CYLC1: variants seen among roughly 807,000 people sequenced by gnomAD.
CYLC1 encodes cylicin-1.
A neutral mutation model predicts 31.6 loss-of-function variants in CYLC1; 2 were observed. The observed-to-expected ratio is 0.06, with a 90% CI of 0.03 to 0.20. The LOEUF is 0.20. Among genes scored for constraint, CYLC1 ranks in the 10% least tolerant of loss-of-function variants. The pLI is 1.00. For synonymous variants in CYLC1, 185 were observed against 153.0 expected (o/e 1.21, Z -1.54); for missense variants, 595 against 424.1 (o/e 1.40, Z -3.54).
intron 2 of CYLC1, among the ~76,000 whole-genome samples, chrX:83,870,305 G>T (rs1264817347): frequency 9.0e-6 from 1 of 111,154 alleles, no homozygotes; most frequent in Non-Finnish European, 1.9e-5. Flanking sequence ...GAACGTTTAC[G>T]TTAATATACT....
At chrX:83,882,868 A>C (rs770188649) in intron 4 of CYLC1, among the ~76,000 whole-genome samples, 10 of 111,238 alleles carry the variant, frequency 9.0e-5, no homozygotes, top group Non-Finnish European at 1.7e-4. Flanking sequence ...GAAAAAAATG[A>C]ATTTTTTAAA....
chrX:83,875,711 G>T (rs1235565185), intron 4 of CYLC1, among the ~76,000 whole-genome samples: 1 of 111,370 alleles, frequency 9.0e-6, no homozygotes, highest in African/African-American at 3.3e-5. Flanking sequence ...ATGAGATTTG[G>T]GTGGGGACAC....
chrX:83,866,762 C>G (rs1005890394), intron 1 of CYLC1, among the ~76,000 whole-genome samples: 1 of 88,725 alleles, frequency 1.1e-5, no homozygotes, highest in African/African-American at 4.0e-5. Context: ...AAAATATTGT[C>G]CAGCCCCACT....
intron 4 of CYLC1, among the ~76,000 whole-genome samples, chrX:83,883,617 A>T (rs922846713): frequency 1.8e-5 from 2 of 111,935 alleles, no homozygotes; most frequent in African/African-American, 3.2e-5. Context: ...GAAGCTTTAC[A>T]TTCTTTTCTC....
chrX:83,877,918 A>T lies in CYLC1; in HGVS notation c.1923+3287A>T, dbSNP rs6622824. Among the ~76,000 whole-genome samples, 159 of 25,246 alleles carry T rather than the reference A, an allele frequency of 6.3e-3. 3 individuals are homozygous for T. The highest frequency in any genetic ancestry group is 0.025 in the East Asian group (14 of 558). The allele number at this position is 25,246 out of a possible 115,157, so 21.9% of individuals were successfully genotyped here. On this transcript the variant is annotated intron_variant, in intron 4 of 4. Coordinates refer to ENST00000329312, the MANE Select transcript of CYLC1 (RefSeq NM_021118.3). ...TATACAAATATATATAAATATATAT[A>T]TATATATAAATATAAATATATATAT...
At chrX:83,866,458 A>G (rs1329238356) in intron 1 of CYLC1, among the ~76,000 whole-genome samples, 3 of 110,843 alleles carry the variant, frequency 2.7e-5, no homozygotes, top group Non-Finnish European at 5.7e-5. Context: ...CATGTTTGCA[A>G]CTGAGTCACT....
intron 4 of CYLC1, 98 bp from the exon 5 acceptor site, chrX:83,886,454 C>T: frequency 1.3e-6 from 1 of 784,695 alleles, no homozygotes; most frequent in Non-Finnish European, 1.9e-6. Context: ...CTATGACAGT[C>T]TGTGCTTTCG....
At chrX:83,885,422 A>T (rs941902400) in intron 4 of CYLC1, among the ~76,000 whole-genome samples, 1 of 110,255 alleles carries the variant, frequency 9.1e-6, no homozygotes, top group Non-Finnish European at 1.9e-5. Flanking sequence ...GATGATTAGT[A>T]ATCAGAGCAA....
At chrX:83,872,746 C>G (rs774080713) in intron 3 of CYLC1, 140 bp from the exon 4 acceptor site, 15 of 456,682 alleles carry the variant, frequency 3.3e-5, no homozygotes, top group African/African-American at 2.6e-4. Flanking sequence ...CACACACACA[C>G]ACACACACAG....
intron 4 of CYLC1, among the ~76,000 whole-genome samples, chrX:83,877,621 T>C (rs1217943147): frequency 1.9e-5 from 2 of 107,515 alleles, no homozygotes; most frequent in Non-Finnish European, 3.8e-5. Flanking sequence ...CCCACAGATC[T>C]TTGCATGTCT....
chrX:83,872,597 T>A (rs1020980462), intron 3 of CYLC1, among the ~76,000 whole-genome samples: 12 of 109,562 alleles, frequency 1.1e-4, no homozygotes, highest in African/African-American at 3.6e-4. Flanking sequence ...AGTCCTGGAA[T>A]GTCATGAGTC....
At chrX:83,877,511 C>A (rs993285423) in intron 4 of CYLC1, among the ~76,000 whole-genome samples, 2 of 110,679 alleles carry the variant, frequency 1.8e-5, no homozygotes, top group East Asian at 5.7e-4. Flanking sequence ...TTTCTCTTGT[C>A]ATCTAGCCAA....
At chrX:83,883,587 A>G (rs1455352359) in intron 4 of CYLC1, among the ~76,000 whole-genome samples, 1 of 111,957 alleles carries the variant, frequency 8.9e-6, no homozygotes, top group African/African-American at 3.2e-5. Context: ...AGGAACACTC[A>G]AAATATTATA....
Position 83,873,132 on chromosome X carries a change from C to T in CYLC1, c.424C>T (p.Pro142Ser), listed in dbSNP as rs1307396118. The change falls in exon 4 of 5, where the codon CCA becomes TCA. Residue 142 changes from proline to serine, a missense_variant. Coordinates refer to ENST00000329312, the MANE Select transcript of CYLC1 (RefSeq NM_021118.3). ...KKKGGSYATN[P>S]ESKQIVEEKT... ...AAAAGGAGGTTCATATGCAACAAAT[C>T]CAGAATCCAAGCAAATAGTAGAAGA... 3.3e-6 allele frequency: 4 copies of T among 1,195,908 alleles called. No homozygotes were observed. The highest frequency in any genetic ancestry group is 4.5e-6 in the Non-Finnish European group (4 of 888,677).
intron 1 of CYLC1, among the ~76,000 whole-genome samples, chrX:83,868,285 A>G (rs2031617854): frequency 9.0e-6 from 1 of 111,394 alleles, no homozygotes; most frequent in Admixed American, 9.6e-5. Context: ...CTATTTCTCT[A>G]AAGAATCTTT....
chrX:83,878,480 T>TAG (rs1412424800), intron 4 of CYLC1, among the ~76,000 whole-genome samples: 1 of 65,589 alleles, frequency 1.5e-5, no homozygotes, highest in African/African-American at 6.1e-5. Flanking sequence ...TATATAAATA[T>TAG]ATATAAATAT....
rs1325365808 is a variant in CYLC1, at chrX:83,873,377, T to C, written c.669T>C (p.Asp223=). The C allele has an allele frequency of 8.3e-7, 1 of 1,201,136 alleles. No homozygotes were observed. The highest frequency in any genetic ancestry group is 1.8e-5 in the African/African-American group (1 of 56,765). Residue 223 remains aspartate (D), a synonymous_variant, in exon 4 of 5, where the codon GAT becomes GAC. Coordinates refer to ENST00000329312, the MANE Select transcript of CYLC1 (RefSeq NM_021118.3). ...FLHTKNNPKK[D]LKRSKTSNDP... is the part of the protein sequence containing the mutation. ...ATACAAAGAACAATCCAAAGAAAGA[T>C]TTGAAGAGGTCAAAGACTAGTAATG...
rs2031641448 is a variant in CYLC1 at position 83,869,915 on chromosome X, T to C, written c.58+10T>C. On this transcript the variant is annotated intron_variant, in intron 2 of 4. Transcript: ENST00000329312. ...GATAATTCCATTCCAAGTAAGAATT[T>C]AGTTAATGAAGTTTAATATTTCTTA... 1 of 807,488 alleles carries C rather than the reference T, an allele frequency of 1.2e-6. No homozygotes were observed. Among genetic ancestry groups the C allele is most frequent in the Non-Finnish European group, 1.6e-6 (1 of 613,681 alleles). 66.5% of individuals were successfully genotyped at this position (807,488 alleles called of 1,213,427 possible).
chrX:83,879,860 T>C (rs1171852812), intron 4 of CYLC1, among the ~76,000 whole-genome samples: 1 of 111,777 alleles, frequency 8.9e-6, no homozygotes, highest in Non-Finnish European at 1.9e-5. Context: ...AAAGAAATAA[T>C]ACATCTTTGC....
Sources: gnomAD v4.1 joint callset for allele counts (sites outside exome capture counted in the v4.1 genomes callset) on GRCh38, gnomAD v4.1.1 for gene constraint, MANE v1.5 for transcripts, NCBI Gene and HGNC (gene_info 2026-07-23, HGNC 2026-07-21) for gene names.